The following ZDHHC24 variants were observed in gnomAD, a reference collection of about 807,000 sequenced individuals.
ZDHHC24 encodes probable palmitoyltransferase ZDHHC24.
ZDHHC24 carries 17 observed loss-of-function variants against 23.2 expected under a neutral mutation model. That is an observed-to-expected ratio of 0.73 (90% CI 0.50 to 1.10). The LOEUF is 1.10. Among genes scored for constraint, ZDHHC24 ranks in the 50% least tolerant of loss-of-function variants. The probability of loss-of-function intolerance (pLI) is 0.00; values close to 1 mark genes in which losing one functional copy is unlikely to be tolerated. For missense variants in ZDHHC24, 366 were observed against 393.0 expected (o/e 0.93, Z 0.58); for synonymous variants, 186 against 194.5 (o/e 0.96, Z 0.36).
At chr11:66,533,831 C>G (rs1166210993), downstream of ZDHHC24, among the ~76,000 whole-genome samples, 1 of 152,214 alleles carries the variant, frequency 6.6e-6, no homozygotes, top group African/African-American at 2.4e-5. Context: ...TCTCAGTTCA[C>G]CCTCATTTGG....
intron 4 of ZDHHC24, chr11:66,526,539 G>A (rs1437726457): frequency 7.3e-6 from 10 of 1,364,772 alleles, no homozygotes; most frequent in Admixed American, 1.7e-5. Context: ...TCTGGAAGAC[G>A]GATGTGTACA....
intron 3 of ZDHHC24, chr11:66,527,037 C>T: frequency 2.0e-6 from 3 of 1,535,468 alleles, no homozygotes; most frequent in Non-Finnish European, 2.6e-6. Context: ...CCTTAGAATT[C>T]AGGGAAGGGA....
intron 4 of ZDHHC24, among the ~76,000 whole-genome samples, chr11:66,522,339 T>A (rs1385197670): frequency 6.6e-6 from 1 of 151,322 alleles, no homozygotes; most frequent in African/African-American, 2.4e-5. Context: ...TAAAATGCTT[T>A]TTTTTTTTTT....
Position 66,526,983 on chromosome 11 carries a change from C to CA in ZDHHC24, c.759dup (p.Asp254Ter). ...TAGGAGGTACACGTTGCCTGCAAAT[C>CA]ACTGTTCCTCAGGCTGGAAGGTGCT... On this transcript the variant is annotated frameshift_variant, in exon 4 of 5. Transcript: ENST00000526986. LOFTEE classifies it high-confidence loss of function. The CA allele has an allele frequency of 6.5e-7, 1 of 1,542,316 alleles. No individual in the cohort carries two copies. The highest frequency in any genetic ancestry group is 8.7e-7 in the Non-Finnish European group (1 of 1,149,796).
At chr11:66,521,490 C>A in intron 4 of ZDHHC24, 1 of 830,920 alleles carries the variant, frequency 1.2e-6, no homozygotes, top group Non-Finnish European at 2.0e-6. Context: ...ATGCAAAGAG[C>A]TGAGAACTTC....
chr11:66,531,516 ATCC>A (rs1856778791), downstream of ZDHHC24: 1 of 1,101,144 alleles, frequency 9.1e-7, no homozygotes, highest in Non-Finnish European at 1.4e-6. Flanking sequence ...CCACACCTGC[ATCC>A]TCCTCCACCC....
chr11:66,523,794 G>A lies in ZDHHC24; in HGVS notation c.*22-2328C>T, dbSNP rs544274797. ...ATGAACCTCCTGGAGCAGCATTCCCGGGGCCTGCAGGCCGTCATGGCTGGG... is the reference window on the plus strand; with the variant it reads ...ATGAACCTCCTGGAGCAGCATTCCCAGGGCCTGCAGGCCGTCATGGCTGGG... On this transcript the variant is annotated intron_variant, in intron 4 of 4. Coordinates refer to the ZDHHC24 transcript ENST00000526986. 19 of 1,613,408 alleles carry A rather than the reference G, an allele frequency of 1.2e-5. No homozygotes were observed. The highest frequency in any genetic ancestry group is 2.2e-5 in the East Asian group (1 of 44,878).
At chr11:66,526,625 CATT>C in intron 4 of ZDHHC24, 1 of 1,614,124 alleles carries the variant, frequency 6.2e-7, no homozygotes, top group Non-Finnish European at 8.5e-7. Context: ...AGGACAAATC[CATT>C]TCCACTGTCC....
Position 66,526,646 on chromosome 11 carries a change from T to G in ZDHHC24, c.*21+290A>C, listed in dbSNP as rs1856511506. On this transcript the variant is annotated intron_variant, in intron 4 of 4. Coordinates refer to the ZDHHC24 transcript ENST00000526986. ...AATCCATTTCCACTGTCCACTTCCC[T>G]AGGTGGTGGCCTGATCATCAAGATC... is the stretch of plus-strand genomic sequence containing the variant. The G allele has an allele frequency of 1.2e-6, 2 of 1,614,208 alleles. No homozygotes were observed. Among genetic ancestry groups the G allele is most frequent in the Non-Finnish European group, 8.5e-7 (1 of 1,180,030 alleles).
At chr11:66,539,947 G>T in intron 2 of ZDHHC24, 123 bp from the exon 3 acceptor site, 1 of 1,014,654 alleles carries the variant, frequency 9.9e-7, no homozygotes, top group Non-Finnish European at 1.4e-6. Flanking sequence ...GTCGATACTC[G>T]CTGGCCAGCC....
At chr11:66,523,235 G>A in intron 4 of ZDHHC24, 1 of 676,128 alleles carries the variant, frequency 1.5e-6, no homozygotes, top group Non-Finnish European at 2.7e-6. Flanking sequence ...GAAGGTGGGA[G>A]GAAGACAAGA....
At chr11:66,529,177 G>A (rs903869026) in intron 3 of ZDHHC24, 11 of 1,450,990 alleles carry the variant, frequency 7.6e-6, no homozygotes, top group Non-Finnish European at 1.0e-5. Flanking sequence ...TCTGGAAGAG[G>A]AGGGACAGTG....
chr11:66,528,833 C>T (rs774192050), intron 3 of ZDHHC24, among the ~76,000 whole-genome samples: 4 of 151,764 alleles, frequency 2.6e-5, no homozygotes, highest in East Asian at 1.9e-4. Flanking sequence ...CCAGGCTTGG[C>T]GGCGCGTGCC....
chr11:66,538,997 A>G lies in ZDHHC24; in HGVS notation c.*532T>C, dbSNP rs1341806301. On this transcript the variant is annotated 3_prime_UTR_variant, in exon 3 of 3. Coordinates refer to ENST00000310442, the MANE Select transcript of ZDHHC24 (RefSeq NM_207340.3). ...GACCAGGTTAGCTAAGAGAGGTTCCATGAAACTGCTGTTGCAGAAATGCTT... is the reference window on the plus strand; with the variant it reads ...GACCAGGTTAGCTAAGAGAGGTTCCGTGAAACTGCTGTTGCAGAAATGCTT... 1 of 154,120 alleles carries G rather than the reference A, an allele frequency of 6.5e-6. No individual in the cohort carries two copies. The highest frequency in any genetic ancestry group is 1.4e-5 in the Non-Finnish European group (1 of 69,678). The allele number at this position is 154,120 out of a possible 1,614,324, so 9.5% of individuals were successfully genotyped here.
At chr11:66,529,495 G>A in intron 2 of ZDHHC24, 1 of 729,070 alleles carries the variant, frequency 1.4e-6, no homozygotes, top group East Asian at 2.7e-5. Context: ...TTGTCTGGGG[G>A]AAGAAGATGG....
At chr11:66,531,784 C>G, downstream of ZDHHC24, 2 of 1,613,118 alleles carry the variant, frequency 1.2e-6, no homozygotes, top group South Asian at 1.1e-5. Flanking sequence ...GAGCAGGACC[C>G]TGGGGAGGAC....
At position 66,526,634 on chromosome 11, in the gene ZDHHC24, T is replaced by C. The variant is rs773411173; in HGVS notation, c.*21+302A>G. ...CTGGGGAGGACAAATCCATTTCCAC[T>C]GTCCACTTCCCTAGGTGGTGGCCTG... On this transcript the variant is annotated intron_variant, in intron 4 of 4. Coordinates refer to the ZDHHC24 transcript ENST00000526986. 6.2e-7 allele frequency: 1 copy of C among 1,614,100 alleles called. No individual in the cohort carries two copies. Among genetic ancestry groups the C allele is most frequent in the Non-Finnish European group, 8.5e-7 (1 of 1,180,034 alleles).
chr11:66,531,801 G>A, downstream of ZDHHC24: 1 of 1,613,738 alleles, frequency 6.2e-7, no homozygotes, highest in Non-Finnish European at 8.5e-7. Context: ...GGACAGTAAG[G>A]GTGAGTGCCA....
downstream of ZDHHC24, chr11:66,530,805 G>A (rs1856744418): frequency 1.3e-6 from 2 of 1,559,182 alleles, no homozygotes; most frequent in South Asian, 1.1e-5. Flanking sequence ...GGGACATGAG[G>A]GCATTGGTGG....
Sources: allele counts gnomAD v4.1 joint callset (sites outside exome capture counted in the v4.1 genomes callset), GRCh38; gene constraint gnomAD v4.1.1; transcripts MANE v1.5; gene names NCBI Gene and HGNC (gene_info 2026-07-23, HGNC 2026-07-21).